NFATC2: variants seen among roughly 807,000 people sequenced by gnomAD.
NFATC2 encodes the protein nuclear factor of activated T-cells, cytoplasmic 2.
NFATC2 carries 22 observed loss-of-function variants against 87.3 expected under a neutral mutation model. The observed-to-expected ratio is 0.25, with a 90% CI of 0.18 to 0.36. The LOEUF (loss-of-function observed/expected upper bound fraction) is 0.36, where lower values mean the gene tolerates loss of function less well. Ranked by LOEUF, NFATC2 falls within the 10% of genes least tolerant of loss-of-function variation. The pLI, the probability that NFATC2 is intolerant of heterozygous loss-of-function variation, is 1.00. For synonymous variants in NFATC2, 565 were observed against 542.2 expected, an observed-to-expected ratio of 1.04 and a Z score of -0.58; for missense variants, 1,149 against 1,259.1, an observed-to-expected ratio of 0.91 and a Z score of 1.32.
At chr20:51,467,133 A>G (rs1906075250) in intron 5 of NFATC2, among the ~76,000 whole-genome samples, 1 of 152,024 alleles carries the variant, frequency 6.6e-6, no homozygotes, top group Non-Finnish European at 1.5e-5. Flanking sequence ...AGCCACAGAC[A>G]GGGAAAAATA....
At chr20:51,503,645 G>A (rs2076127502) in intron 3 of NFATC2, among the ~76,000 whole-genome samples, 2 of 152,180 alleles carry the variant, frequency 1.3e-5, no homozygotes, top group African/African-American at 4.8e-5. Flanking sequence ...ACATGCTTGG[G>A]GGTGTCAACA....
intron 2 of NFATC2, among the ~76,000 whole-genome samples, chr20:51,520,734 C>T (rs1273537039): frequency 6.6e-6 from 1 of 152,008 alleles, no homozygotes; most frequent in Admixed American, 6.5e-5. Context: ...CATCTCAGCT[C>T]ACTGCAACCT....
intron 3 of NFATC2, among the ~76,000 whole-genome samples, chr20:51,503,453 C>T (rs1269318925): frequency 6.6e-6 from 1 of 152,218 alleles, no homozygotes; most frequent in Non-Finnish European, 1.5e-5. Flanking sequence ...ACAACTCAGG[C>T]TGGAGGGCAA....
At chr20:51,520,436 C>CTT (rs35265197) in intron 2 of NFATC2, among the ~76,000 whole-genome samples, 123 of 139,518 alleles carry the variant, frequency 8.8e-4, no homozygotes, top group East Asian at 6.1e-3. Context: ...TCAGGATTTT[C>CTT]TTTTTTTTTT....
At chr20:51,450,622 G>A (rs1985648027) in intron 6 of NFATC2, among the ~76,000 whole-genome samples, 2 of 152,184 alleles carry the variant, frequency 1.3e-5, no homozygotes, top group Non-Finnish European at 2.9e-5. Context: ...GGAAGCTGAG[G>A]CCCAAAGAGG....
chr20:51,439,831 C>A (rs1300492080), intron 6 of NFATC2, among the ~76,000 whole-genome samples: 1 of 152,216 alleles, frequency 6.6e-6, no homozygotes, highest in Non-Finnish European at 1.5e-5. Context: ...TTAGATATGG[C>A]ACGATCTCTC....
chr20:51,500,008 T>C (rs2076052695), intron 3 of NFATC2, among the ~76,000 whole-genome samples: 1 of 152,224 alleles, frequency 6.6e-6, no homozygotes, highest in South Asian at 2.1e-4. Context: ...ATTTAGTTGC[T>C]GTATTATCTT....
At chr20:51,467,895 T>C (rs1044185054) in intron 5 of NFATC2, among the ~76,000 whole-genome samples, 2 of 152,232 alleles carry the variant, frequency 1.3e-5, no homozygotes, top group African/African-American at 2.4e-5. Context: ...TCCATAAACC[T>C]AAGCCCCGGG....
At chr20:51,479,544 C>G (rs575254256) in intron 3 of NFATC2, among the ~76,000 whole-genome samples, 1 of 152,306 alleles carries the variant, frequency 6.6e-6, no homozygotes, top group South Asian at 2.1e-4. Context: ...CAGTTGAGTC[C>G]AGGAGGTTGA....
intron 9 of NFATC2, among the ~76,000 whole-genome samples, chr20:51,400,418 T>C (rs1023818624): frequency 1.5e-4 from 21 of 138,976 alleles, no homozygotes; most frequent in South Asian, 9.3e-4. Flanking sequence ...ACGAGTTCTC[T>C]CTCCAAACCT....
At position 51,398,559 on chromosome 20, in the gene NFATC2, TA is replaced by T; in HGVS notation, c.*44+83del. ...GGGCCTTCAGCCTGTCAAGTTTTCT[TA>T]TACTTTACTTAAAAAAAAAAAAATT... On this transcript the variant is annotated intron_variant, in intron 10 of 10. Coordinates refer to ENST00000371564, the MANE Select transcript of NFATC2 (RefSeq NM_012340.5). 5.8e-6 allele frequency: 5 copies of T among 858,524 alleles called. No individual in the cohort carries two copies. The South Asian group carries it at 8.8e-5, about 15-fold the overall frequency. 53.2% of individuals were successfully genotyped at this position (858,524 alleles called of 1,614,324 possible).
chr20:51,411,020 T>C (rs933442458), intron 9 of NFATC2, among the ~76,000 whole-genome samples: 21 of 152,104 alleles, frequency 1.4e-4, no homozygotes, highest in Non-Finnish European at 2.6e-4. Context: ...GTGGCAGTGG[T>C]GGTATTTGGT....
intron 3 of NFATC2, among the ~76,000 whole-genome samples, chr20:51,510,612 CT>C (rs1296793357): frequency 3.9e-5 from 6 of 152,256 alleles, no homozygotes; most frequent in South Asian, 2.1e-4. Context: ...AGATTTAGAA[CT>C]TTTTTATTTA....
At chr20:51,445,255 G>A (rs1305429609) in intron 6 of NFATC2, among the ~76,000 whole-genome samples, 1 of 152,122 alleles carries the variant, frequency 6.6e-6, no homozygotes, top group Non-Finnish European at 1.5e-5. Flanking sequence ...AGCCGCCCGG[G>A]CCTGCTTCCC....
chr20:51,543,225 T>TC (rs956055490), upstream of NFATC2, among the ~76,000 whole-genome samples: 5 of 151,748 alleles, frequency 3.3e-5, no homozygotes, highest in African/African-American at 4.8e-5. Context: ...ACAGCACTAG[T>TC]CCCCCCCGTT....
At chr20:51,475,775 C>A in intron 3 of NFATC2, 115 bp from the exon 4 acceptor site, 1 of 1,014,822 alleles carries the variant, frequency 9.9e-7, no homozygotes. Context: ...ATTTCTGCAG[C>A]ATCTGGAAGA....
At chr20:51,547,960 C>A (rs1404141789) in intron 1 of NFATC2, among the ~76,000 whole-genome samples, 6 of 152,098 alleles carry the variant, frequency 3.9e-5, no homozygotes, top group Non-Finnish European at 8.8e-5. Context: ...TACTTTTGCC[C>A]CTATGTGGAG....
intron 2 of NFATC2, among the ~76,000 whole-genome samples, chr20:51,522,695 T>C (rs905081956): frequency 1.3e-5 from 2 of 152,114 alleles, no homozygotes; most frequent in Admixed American, 6.5e-5. Flanking sequence ...TACCAGAATG[T>C]CAGCTCCATG....
At chr20:51,408,285 G>A (rs1002430972) in intron 9 of NFATC2, among the ~76,000 whole-genome samples, 25 of 152,154 alleles carry the variant, frequency 1.6e-4, no homozygotes, top group East Asian at 1.9e-4. Context: ...AGGCTGAGGC[G>A]GGCAGATCAC....
Sources: allele counts gnomAD v4.1 joint callset (sites outside exome capture counted in the v4.1 genomes callset), GRCh38; gene constraint gnomAD v4.1.1; transcripts MANE v1.5; gene names NCBI Gene and HGNC (gene_info 2026-07-23, HGNC 2026-07-21).